TCF12: variants seen among roughly 807,000 people sequenced by gnomAD.
TCF12 encodes DNA-binding protein HTF4.
In TCF12, 45 loss-of-function variants were observed where a neutral mutation model predicts 86.0. The ratio of observed to expected loss-of-function variants is 0.52; its 90% CI spans 0.41 to 0.67. The LOEUF (loss-of-function observed/expected upper bound fraction) is 0.67. Ranked by LOEUF, TCF12 falls within the 30% of genes least tolerant of loss-of-function variation. The pLI is 0.00. For missense variants in TCF12, 881 were observed against 859.9 expected (o/e 1.02, Z -0.31); for synonymous variants, 330 against 299.6 (o/e 1.10, Z -1.05).
At position 57,132,532 on chromosome 15, in the gene TCF12, C is replaced by T. The variant is rs576887854; in HGVS notation, c.326-33870C>T. On this transcript the variant is annotated intron_variant, in intron 5 of 20. Transcript: ENST00000333725. Reference sequence around the variant, plus strand: ...ACTGGTTTCCACATGATTTCTGGCTCTGATGATTGATGTTCCTAATGGAAT... The same window carrying T: ...ACTGGTTTCCACATGATTTCTGGCTTTGATGATTGATGTTCCTAATGGAAT... 2.0e-5 allele frequency among the ~76,000 whole-genome samples: 3 copies of T among 152,266 alleles called. No individual in the cohort carries two copies. In the South Asian group the frequency reaches 6.2e-4, roughly 32 times the overall value.
chr15:56,947,107 C>CT lies in TCF12; in HGVS notation c.148+26015dup, dbSNP rs1226775565. On this transcript the variant is annotated intron_variant, in intron 3 of 20. Coordinates refer to ENST00000333725, the MANE Select transcript of TCF12 (RefSeq NM_207037.2). The stretch of plus-strand genomic sequence containing the variant: ...ACCACTGTGTCCTGCCTTAGAGAAA[C>CT]TTTTTTGCTAAGAATAGTTTAGCTC... Among the ~76,000 whole-genome samples, 34 of 152,228 alleles carry CT rather than the reference C, an allele frequency of 2.2e-4. 1 individual carries two copies. Among genetic ancestry groups the CT allele is most frequent in the Admixed American group, 1.2e-3 (19 of 15,280 alleles).
chr15:57,061,975 G>C (rs1234949782), intron 3 of TCF12, among the ~76,000 whole-genome samples: 1 of 149,484 alleles, frequency 6.7e-6, no homozygotes, highest in Non-Finnish European at 1.5e-5. Flanking sequence ...TTGTTTTTTT[G>C]AGATGGAGTC....
chr15:56,988,408 T>C (rs1197281029), intron 3 of TCF12, among the ~76,000 whole-genome samples: 1 of 152,150 alleles, frequency 6.6e-6, no homozygotes, highest in African/African-American at 2.4e-5. Context: ...TATCTAAACA[T>C]AGAAAAAGTA....
intron 8 of TCF12, among the ~76,000 whole-genome samples, chr15:57,202,968 T>G (rs2057624819): frequency 6.6e-6 from 1 of 152,230 alleles, no homozygotes; most frequent in African/African-American, 2.4e-5. Flanking sequence ...ATTTCATTTT[T>G]ACCAAATTTT....
At chr15:57,127,772 C>T (rs1300544364) in intron 5 of TCF12, among the ~76,000 whole-genome samples, 1 of 152,140 alleles carries the variant, frequency 6.6e-6, no homozygotes, top group Non-Finnish European at 1.5e-5. Flanking sequence ...CCTACTTATT[C>T]TTCACTATTA....
chr15:57,125,171 GT>G (rs2051549248), intron 5 of TCF12, among the ~76,000 whole-genome samples: 1 of 152,138 alleles, frequency 6.6e-6, no homozygotes, highest in Non-Finnish European at 1.5e-5. Context: ...TGACCAGATC[GT>G]TATGAAAAAT....
chr15:57,151,081 G>C (rs1341341691), intron 5 of TCF12, among the ~76,000 whole-genome samples: 1 of 151,120 alleles, frequency 6.6e-6, no homozygotes, highest in Non-Finnish European at 1.5e-5. Flanking sequence ...TGGATCAAGT[G>C]ATCCTCCTGC....
intron 8 of TCF12, among the ~76,000 whole-genome samples, chr15:57,203,863 A>C (rs1490930457): frequency 6.6e-6 from 1 of 152,040 alleles, no homozygotes; most frequent in African/African-American, 2.4e-5. Context: ...TCACTGCAAA[A>C]AAATTAGCCA....
chr15:57,009,509 A>T (rs1018056298), intron 3 of TCF12, among the ~76,000 whole-genome samples: 8 of 152,220 alleles, frequency 5.3e-5, no homozygotes, highest in Non-Finnish European at 7.3e-5. Context: ...TTATAGCCAA[A>T]GATGAGAATG....
chr15:57,007,961 GTCTCTCTCTCTCTCTCGC>G (rs1215733839), intron 3 of TCF12, among the ~76,000 whole-genome samples: 1 of 125,986 alleles, frequency 7.9e-6, no homozygotes, highest in Non-Finnish European at 1.6e-5. Context: ...CTTTCTCTCT[GTCTCTCTCTCTCTCTCGC>G]TCTCTCTCTC....
intron 4 of TCF12, among the ~76,000 whole-genome samples, chr15:57,068,451 A>G (rs2069091103): frequency 6.6e-6 from 1 of 152,216 alleles, no homozygotes; most frequent in South Asian, 2.1e-4. Context: ...TAATTTAACT[A>G]CTTTTATTTA....
intron 8 of TCF12, among the ~76,000 whole-genome samples, chr15:57,224,296 C>G (rs1438654915): frequency 2.6e-5 from 4 of 151,998 alleles, no homozygotes; most frequent in Non-Finnish European, 4.4e-5. Context: ...TCCTAGCAAA[C>G]AAGTTTCAAA....
At chr15:57,117,542 G>T (rs2050929140) in intron 5 of TCF12, among the ~76,000 whole-genome samples, 1 of 152,018 alleles carries the variant, frequency 6.6e-6, no homozygotes, top group Admixed American at 6.6e-5. Context: ...GTATGATCTG[G>T]GTTCAAATTC....
intron 3 of TCF12, among the ~76,000 whole-genome samples, chr15:56,938,808 T>A: frequency 6.6e-6 from 1 of 152,166 alleles, no homozygotes; most frequent in Non-Finnish European, 1.5e-5. Context: ...CTTCCACATA[T>A]GAATTTTGAG....
At chr15:56,976,224 C>CTTTTTTTTTTTTTT (rs35959497) in intron 3 of TCF12, among the ~76,000 whole-genome samples, 1 of 57,380 alleles carries the variant, frequency 1.7e-5, no homozygotes, top group Non-Finnish European at 3.0e-5. Flanking sequence ...AAGGAAGTTT[C>CTTTTTTTTTTTTTT]TTTTTTTTTT....
intron 4 of TCF12, among the ~76,000 whole-genome samples, chr15:57,086,725 A>AAAAG (rs2048659769): frequency 2.3e-5 from 3 of 130,922 alleles, no homozygotes; most frequent in African/African-American, 8.4e-5. Context: ...AAAAAAAAAA[A>AAAAG]GGCCATTGAA....
At chr15:56,933,311 A>G (rs1250138008) in intron 3 of TCF12, among the ~76,000 whole-genome samples, 2 of 152,222 alleles carry the variant, frequency 1.3e-5, no homozygotes. Flanking sequence ...TAATATTGAA[A>G]GGGTTAAGAT....
chr15:57,224,939 ACT>A (rs771216354), intron 8 of TCF12, among the ~76,000 whole-genome samples: 2 of 151,746 alleles, frequency 1.3e-5, no homozygotes, highest in Non-Finnish European at 2.9e-5. Flanking sequence ...ACCATTAAAA[ACT>A]CTAGTAGCAG....
rs186975270 is a variant in TCF12, at chr15:56,949,286, A to G, written c.148+28188A>G. On this transcript the variant is annotated intron_variant, in intron 3 of 20. Coordinates refer to ENST00000333725, the MANE Select transcript of TCF12 (RefSeq NM_207037.2). ...ATGTGCAGTTTTATCCCAGTAATTA[A>G]AAAAAGTTACCAAAAGCATGACAGT... is the stretch of plus-strand genomic sequence containing the variant. 1.3e-3 allele frequency among the ~76,000 whole-genome samples: 200 copies of G among 152,348 alleles called. 1 individual carries two copies. Among genetic ancestry groups the G allele is most frequent in the African/African-American group, 4.6e-3 (191 of 41,582 alleles).
Sources: gnomAD v4.1 joint callset for allele counts (sites outside exome capture counted in the v4.1 genomes callset) on GRCh38, gnomAD v4.1.1 for gene constraint, MANE v1.5 for transcripts, NCBI Gene and HGNC (gene_info 2026-07-23, HGNC 2026-07-21) for gene names.